CR1: variants seen among roughly 807,000 people sequenced by gnomAD.
CR1 encodes complement C3b/C4b receptor 1 (Knops blood group), also known as complement receptor type 1.
Under a neutral mutation model 187.3 loss-of-function variants are expected in CR1, and 116 were observed. The ratio of observed to expected loss-of-function variants is 0.62; its 90% CI spans 0.53 to 0.72. CR1 has a LOEUF of 0.72. Among genes scored for constraint, CR1 ranks in the 30% least tolerant of loss-of-function variants. The pLI, the probability that CR1 is intolerant of heterozygous loss-of-function variation, is 0.00. For synonymous variants in CR1, 576 were observed against 747.1 expected (o/e 0.77, Z 3.73); for missense variants, 1,731 against 2,110.7 (o/e 0.82, Z 3.52).
intron 35 of CR1, among the ~76,000 whole-genome samples, chr1:207,595,385 G>A (rs888298622): frequency 3.9e-5 from 6 of 152,082 alleles, no homozygotes; most frequent in Non-Finnish European, 7.4e-5. Context: ...GATCCTTGAA[G>A]GCTTACTAGA....
Position 207,578,000 on chromosome 1 carries a change from C to A in CR1, c.4733C>A (p.Pro1578His), listed in dbSNP as rs1421409370. The A allele has an allele frequency of 1.9e-6, 3 of 1,611,650 alleles. No individual in the cohort carries two copies. In the African/African-American group the frequency reaches 4.0e-5, roughly 22 times the overall value. ...GATCAAGTGGGCATCTGGAGCGGCC[C>A]CGCCCCTCAGTGCATTATACCTAAC... ...NDDQVGIWSG[P>H]APQCIIPNKC... is the part of the protein sequence containing the mutation. Residue 1578 changes from proline to histidine, a missense_variant, in exon 29 of 47, where the codon CCC becomes CAC. Physicochemically the swap from Pro to His is moderately conservative, Grantham distance 77. Coordinates refer to ENST00000367049, the MANE Select transcript of CR1 (RefSeq NM_000651.6).
At chr1:207,583,632 C>T (rs1337768446) in intron 32 of CR1, among the ~76,000 whole-genome samples, 1 of 152,144 alleles carries the variant, frequency 6.6e-6, no homozygotes, top group Non-Finnish European at 1.5e-5. Context: ...TACATGTTTA[C>T]AATAGAATTT....
intron 24 of CR1, among the ~76,000 whole-genome samples, chr1:207,567,266 T>A (rs889887033): frequency 1.4e-5 from 1 of 69,184 alleles, no homozygotes; most frequent in African/African-American, 6.3e-5. Context: ...CCATTTGGAG[T>A]TTTTTTTTTT....
chr1:207,594,216 A>G (rs1257706499), intron 35 of CR1, among the ~76,000 whole-genome samples: 1 of 152,230 alleles, frequency 6.6e-6, no homozygotes, highest in African/African-American at 2.4e-5. Context: ...ATGCCCATCA[A>G]TGATAGACTG....
chr1:207,596,288 T>C (rs1661439166), intron 35 of CR1, among the ~76,000 whole-genome samples: 1 of 152,014 alleles, frequency 6.6e-6, no homozygotes. Flanking sequence ...AGATATAAAC[T>C]CCATTGGTAA....
In CR1 at chr1:207,506,070, G is replaced by C. The variant is rs1422617991; in HGVS notation, c.288G>C (p.Lys96Asn). ...AAAACTCAGTCTGGACTGGTGCTAA[G>C]GACAGGTGCAGACGTAAGTAACTCT... ...CLKNSVWTGA[K>N]DRCRRKSCRN... The change falls in exon 2 of 47, where the codon AAG becomes AAC. Residue 96 changes from lysine (K) to asparagine (N), a missense_variant. Lys to Asn is a moderately conservative substitution (Grantham distance 94). Coordinates refer to ENST00000367049, the MANE Select transcript of CR1 (RefSeq NM_000651.6). The C allele has an allele frequency of 6.2e-7, 1 of 1,613,914 alleles. No homozygotes were observed. Among genetic ancestry groups the C allele is most frequent in the Non-Finnish European group, 8.5e-7 (1 of 1,179,840 alleles).
rs3738468 is a variant in CR1 at position 207,589,013 on chromosome 1, G to A, written c.5810+239G>A. Among the ~76,000 whole-genome samples the A allele has an allele frequency of 0.2, 30,676 of 152,164 alleles. 3,353 individuals carry two copies. Among genetic ancestry groups the A allele is most frequent in the South Asian group, 0.44 (2,108 of 4,818 alleles). On this transcript the variant is annotated intron_variant, in intron 35 of 46. Transcript: ENST00000367049. ...GGGCAACATGTTCCTGTCAAAGGTG[G>A]TACATGTGAAACCTGGTCAGGCATT...
intron 24 of CR1, among the ~76,000 whole-genome samples, 163 bp from the exon 25 acceptor site, chr1:207,567,661 A>G (rs1344701085): frequency 6.6e-6 from 1 of 150,428 alleles, no homozygotes; most frequent in East Asian, 1.9e-4. Context: ...ACTTTGCAAT[A>G]CATTTTCATT....
intron 46 of CR1, among the ~76,000 whole-genome samples, chr1:207,638,200 T>C (rs1011026631): frequency 1.3e-5 from 2 of 152,248 alleles, no homozygotes; most frequent in Non-Finnish European, 2.9e-5. Context: ...GGAATTCCTG[T>C]TGTATGTGAA....
chr1:207,627,435 T>G (rs1471295112), intron 45 of CR1, among the ~76,000 whole-genome samples: 1 of 152,192 alleles, frequency 6.6e-6, no homozygotes, highest in Non-Finnish European at 1.5e-5. Context: ...CCACTAACAG[T>G]GTTACCACAA....
At chr1:207,627,460 C>T (rs1156896663) in intron 45 of CR1, among the ~76,000 whole-genome samples, 1 of 152,188 alleles carries the variant, frequency 6.6e-6, no homozygotes, top group Non-Finnish European at 1.5e-5. Context: ...AAATTTCTGC[C>T]GTAATTCTCT....
chr1:207,509,635 A>G (rs1421171418), intron 3 of CR1, among the ~76,000 whole-genome samples: 6 of 152,030 alleles, frequency 3.9e-5, no homozygotes, highest in Non-Finnish European at 5.9e-5. Flanking sequence ...AGTATGGAGG[A>G]AAAAAAATGC....
At chr1:207,498,890 A>AAAAAG (rs911285366) in intron 1 of CR1, among the ~76,000 whole-genome samples, 1 of 149,322 alleles carries the variant, frequency 6.7e-6, no homozygotes, top group African/African-American at 2.5e-5. Context: ...AAAAAAAAAA[A>AAAAAG]AAAGAAACAA....
intron 35 of CR1, among the ~76,000 whole-genome samples, chr1:207,591,711 A>C (rs561624780): frequency 7.0e-6 from 1 of 143,694 alleles, no homozygotes; most frequent in South Asian, 2.6e-4. Context: ...CAGACTAATA[A>C]AGAAAAAGAG....
At chr1:207,566,442 ATGTTC>A (rs1486563346) in intron 24 of CR1, among the ~76,000 whole-genome samples, 2 of 150,154 alleles carry the variant, frequency 1.3e-5, no homozygotes, top group East Asian at 3.8e-4. Flanking sequence ...TTTGTGCCTG[ATGTTC>A]ATCTAGCCAC....
chr1:207,599,631 G>A (rs1369169848), intron 35 of CR1, among the ~76,000 whole-genome samples: 1 of 152,182 alleles, frequency 6.6e-6, no homozygotes, highest in African/African-American at 2.4e-5. Flanking sequence ...GAACTATTTT[G>A]CAGCAATCAA....
At chr1:207,604,372 A>G (rs1258923593) in intron 35 of CR1, among the ~76,000 whole-genome samples, 9 of 152,178 alleles carry the variant, frequency 5.9e-5, no homozygotes. Context: ...TTCATAGTAG[A>G]ATTTTTCCTC....
intron 27 of CR1, among the ~76,000 whole-genome samples, chr1:207,574,978 G>A (rs1361765944): frequency 5.3e-5 from 8 of 152,108 alleles, no homozygotes; most frequent in Admixed American, 1.3e-4. Flanking sequence ...TTTTGGGTCA[G>A]GTCATTTTAT....
chr1:207,498,449 A>C lies in CR1; in HGVS notation c.121+2061A>C, dbSNP rs527773925. Reference sequence around the variant, plus strand: ...AGTACCCGTAAAGTGGTATAGTGCTATTTGAAAGAGGACTTAGATTAGCTG... The same window carrying C: ...AGTACCCGTAAAGTGGTATAGTGCTCTTTGAAAGAGGACTTAGATTAGCTG... On this transcript the variant is annotated intron_variant, in intron 1 of 46. Transcript: ENST00000367049. Among the ~76,000 whole-genome samples, 3 of 152,320 alleles carry C rather than the reference A, an allele frequency of 2.0e-5. No individual in the cohort carries two copies. In the East Asian group the frequency reaches 5.8e-4, roughly 29 times the overall value.
Sources: gnomAD v4.1 joint callset for allele counts (sites outside exome capture counted in the v4.1 genomes callset) on GRCh38, gnomAD v4.1.1 for gene constraint, MANE v1.5 for transcripts, NCBI Gene and HGNC (gene_info 2026-07-23, HGNC 2026-07-21) for gene names.